Variants in MRPL18 observed in about 807,000 individuals in gnomAD.
The protein encoded by MRPL18 is mitochondrial ribosomal protein L18, also known as large ribosomal subunit protein uL18m.
Under a neutral mutation model 20.9 loss-of-function variants are expected in MRPL18, and 16 were observed. The observed-to-expected ratio is 0.76, with a 90% confidence interval of 0.52 to 1.16. The LOEUF (loss-of-function observed/expected upper bound fraction) is 1.16. Among genes scored for constraint, MRPL18 ranks in the 50% most tolerant of loss-of-function variants. MRPL18 has a pLI of 0.00. For missense variants in MRPL18, 233 were observed against 230.6 expected (o/e 1.01, Z -0.07); for synonymous variants, 91 against 87.1 (o/e 1.04, Z -0.25).
At position 159,798,088 on chromosome 6, in the gene MRPL18, G is replaced by A; in HGVS notation, c.508G>A (p.Val170Met). The A allele has an allele frequency of 1.2e-6, 2 of 1,613,902 alleles. No homozygotes were observed. Among genetic ancestry groups the A allele is most frequent in the Non-Finnish European group, 1.7e-6 (2 of 1,179,892 alleles). The change falls in exon 4 of 4, where the codon GTG (valine) becomes ATG (methionine). Residue 170 changes from valine (V) to methionine (M), a missense_variant. Physicochemically the swap from Val to Met is conservative, Grantham distance 21. Transcript: ENST00000367034. ...ACAAAGTGCCATGACAGAAGGTGGT[G>A]TGGTTCTACGGGAACCTCAGAGAAT... ...RLQSAMTEGG[V>M]VLREPQRIYE
At chr6:159,789,947 A>C (rs56749189), upstream of MRPL18, 7,235 of 186,234 alleles carry the variant, frequency 0.039, 247 homozygotes, top group African/African-American at 0.08. Context: ...GCCCTTCTCC[A>C]AGTTAGAGTT....
chr6:159,790,850 G>A (rs1780864310), intron 1 of MRPL18, 90 bp from the exon 2 acceptor site: 1 of 1,509,190 alleles, frequency 6.6e-7, no homozygotes, highest in African/African-American at 1.4e-5. Flanking sequence ...TAAAGATTGG[G>A]GGTGTAAAAG....
rs777765662 is a variant in MRPL18 at position 159,790,593 on chromosome 6, G to A, written c.6G>A (p.Ala2=). ...TTTCCGAGATCGTCTCAGCGATGGC[G>A]CTTCGGTCGCGGTTTTGGGGGTTGT... M[A]LRSRFWGLFS... Residue 2 remains alanine, a synonymous_variant, in exon 1 of 4, where the codon GCG becomes GCA. Coordinates refer to ENST00000367034, the MANE Select transcript of MRPL18 (RefSeq NM_014161.5). 1.3e-6 allele frequency: 2 copies of A among 1,576,242 alleles called. No homozygotes were observed. The highest frequency in any genetic ancestry group is 1.7e-6 in the Non-Finnish European group (2 of 1,163,000).
upstream of MRPL18, chr6:159,789,877 C>G (rs945097809): frequency 2.1e-5 from 5 of 235,320 alleles, no homozygotes; most frequent in African/African-American, 1.1e-4. Flanking sequence ...ATTCTAGTGC[C>G]TTCTAGAAAA....
rs772773470 is a variant in MRPL18, at chr6:159,790,921, G to A, written c.53-19G>A. 6.2e-7 allele frequency: 1 copy of A among 1,613,580 alleles called. No individual in the cohort carries two copies. Among genetic ancestry groups the A allele is most frequent in the Admixed American group, 1.7e-5 (1 of 59,992 alleles). On this transcript the variant is annotated intron_variant, in intron 1 of 3. Coordinates refer to ENST00000367034, the MANE Select transcript of MRPL18 (RefSeq NM_014161.5). ...TATCCGTCATTTTTAAGCCCTGTGC[G>A]GTTTTTCCCGTTGCCCAGGGTGCAG...
rs1218220377 is a variant in MRPL18, at chr6:159,796,314, A to T, written c.240-973A>T. Reference sequence around the variant, plus strand: ...GGGCAATATGGCAAACCCTGTCTCTACAAAAAAATACAAAAATTAGCTGGG... The same window carrying T: ...GGGCAATATGGCAAACCCTGTCTCTTCAAAAAAATACAAAAATTAGCTGGG... On this transcript the variant is annotated intron_variant, in intron 2 of 3. Transcript: ENST00000367034. 2.6e-5 allele frequency among the ~76,000 whole-genome samples: 4 copies of T among 151,648 alleles called. No individual in the cohort carries two copies. The East Asian group carries it at 7.8e-4, about 30-fold the overall frequency.
rs774022634 is a variant in MRPL18 at position 159,791,118 on chromosome 6, C to G, written c.231C>G (p.Phe77Leu). 1 of 1,614,162 alleles carries G rather than the reference C, an allele frequency of 6.2e-7. No homozygotes were observed. The highest frequency in any genetic ancestry group is 8.5e-7 in the Non-Finnish European group (1 of 1,180,024). ...GWRTVFPSRE[F>L]WHRLRVIRTQ... is the part of the protein sequence containing the mutation. ...GGACGGTGTTTCCCTCCCGTGAGTTCTGGCACAGGTAATTAAATCTGCTTG... is the reference window on the plus strand; with the variant it reads ...GGACGGTGTTTCCCTCCCGTGAGTTGTGGCACAGGTAATTAAATCTGCTTG... Residue 77 changes from phenylalanine to leucine, a missense_variant, in exon 2 of 4, where the codon TTC becomes TTG. Transcript: ENST00000367034.
chr6:159,790,809 T>C, intron 1 of MRPL18, 131 bp from the exon 2 acceptor site: 1 of 1,373,954 alleles, frequency 7.3e-7, no homozygotes, highest in Non-Finnish European at 9.9e-7. Flanking sequence ...CTCCACCCTG[T>C]GGGCATACGT....
Position 159,798,205 on chromosome 6 carries a change from A to G in MRPL18, c.*82A>G, listed in dbSNP as rs1583158506. The G allele has an allele frequency of 8.4e-7, 1 of 1,190,176 alleles. No individual in the cohort carries two copies. Among genetic ancestry groups the G allele is most frequent in the East Asian group, 2.5e-5 (1 of 40,520 alleles). The allele number at this position is 1,190,176 out of a possible 1,614,324, so 73.7% of individuals were successfully genotyped here. A position where few individuals can be genotyped will look rare whatever the true frequency, so the allele number is the denominator to read the frequency against. ...ATCAAAAGAGAGCATCTGGAAGAAC[A>G]GCCAGCTTGGAAGTTTTACAGCAAT... On this transcript the variant is annotated 3_prime_UTR_variant, in exon 4 of 4. Coordinates refer to ENST00000367034, the MANE Select transcript of MRPL18 (RefSeq NM_014161.5).
At chr6:159,793,674 T>C (rs557040507) in intron 2 of MRPL18, among the ~76,000 whole-genome samples, 23 of 151,810 alleles carry the variant, frequency 1.5e-4, no homozygotes, top group Non-Finnish European at 3.1e-4. Context: ...CTTTGGGAGG[T>C]CGAGGCGGGC....
In MRPL18 at chr6:159,790,471, G is replaced by T. The variant is rs189546166; in HGVS notation, c.-117G>T. 1.4e-5 allele frequency: 19 copies of T among 1,400,736 alleles called. No homozygotes were observed. The Admixed American group carries it at 3.4e-4, about 25-fold the overall frequency. The allele number at this position is 1,400,736 out of a possible 1,614,324, so 86.8% of individuals were successfully genotyped here. ...GGGTCGGTGGCGTCTGGCGTGGAGA[G>T]TTTGGGGATCTACAGCAGCCAAAGG... On this transcript the variant is annotated 5_prime_UTR_variant, in exon 1 of 4. Transcript: ENST00000367034.
In MRPL18 at chr6:159,790,498, T is replaced by A; in HGVS notation, c.-90T>A. 1 of 1,576,664 alleles carries A rather than the reference T, an allele frequency of 6.3e-7. No homozygotes were observed. Among genetic ancestry groups the A allele is most frequent in the South Asian group, 1.1e-5 (1 of 89,998 alleles). On this transcript the variant is annotated 5_prime_UTR_variant, in exon 1 of 4. In the 5' UTR this introduces an upstream ATG that the reference lacks. Transcript: ENST00000367034. ...TTGGGGATCTACAGCAGCCAAAGGCTTGTCCCTGACTTTATATGGCTGCTC... is the reference window on the plus strand; with the variant it reads ...TTGGGGATCTACAGCAGCCAAAGGCATGTCCCTGACTTTATATGGCTGCTC...
chr6:159,798,319 T>G lies in MRPL18; in HGVS notation c.*196T>G, dbSNP rs1583158707. On this transcript the variant is annotated 3_prime_UTR_variant, in exon 4 of 4. Coordinates refer to ENST00000367034, the MANE Select transcript of MRPL18 (RefSeq NM_014161.5). ...TCAAGAACTACGTTCTGCCCCTCTCTTGGGCTTCAGAAGCATCTAAGAAAA... is the reference window on the plus strand; with the variant it reads ...TCAAGAACTACGTTCTGCCCCTCTCGTGGGCTTCAGAAGCATCTAAGAAAA... 8 of 474,522 alleles carry G rather than the reference T, an allele frequency of 1.7e-5. No individual in the cohort carries two copies. In the East Asian group the frequency reaches 2.7e-4, roughly 16 times the overall value. The allele number at this position is 474,522 out of a possible 1,614,324, so 29.4% of individuals were successfully genotyped here. A position where few individuals can be genotyped will look rare whatever the true frequency, so the allele number is the denominator to read the frequency against.
In MRPL18 at chr6:159,798,066, A is replaced by G. The variant is rs748815911; in HGVS notation, c.486A>G (p.Gln162=). Residue 162 remains glutamine (Q), a synonymous_variant, in exon 4 of 4, where the codon CAA becomes CAG. Transcript: ENST00000367034. ...TTCAAAACCAGATGAAACGACTACA[A>G]AGTGCCATGACAGAAGGTGGTGTGG... ...EAASDSMKRL[Q]SAMTEGGVVL... is the part of the protein sequence containing the mutation. The G allele has an allele frequency of 6.2e-7, 1 of 1,613,728 alleles. No individual in the cohort carries two copies. The highest frequency in any genetic ancestry group is 1.1e-5 in the South Asian group (1 of 90,978).
chr6:159,792,990 T>C (rs551478351), intron 2 of MRPL18, among the ~76,000 whole-genome samples: 1 of 151,908 alleles, frequency 6.6e-6, no homozygotes, highest in South Asian at 2.1e-4. Flanking sequence ...TTTTCTTTTT[T>C]TTTTTTTCTG....
intron 2 of MRPL18, 141 bp downstream of exon 2, chr6:159,791,267 A>G (rs1470526353): frequency 1.1e-6 from 1 of 892,808 alleles, no homozygotes; most frequent in Non-Finnish European, 1.7e-6. Flanking sequence ...CAAACAACAA[A>G]TAGGTGTGAT....
intron 1 of MRPL18, 77 bp downstream of exon 1, chr6:159,790,716 T>G (rs965929709): frequency 1.3e-5 from 20 of 1,576,040 alleles, no homozygotes; most frequent in African/African-American, 2.7e-5. Context: ...GGGTTCTATT[T>G]TGTATTCGAC....
At chr6:159,792,703 A>G (rs1333158329) in intron 2 of MRPL18, among the ~76,000 whole-genome samples, 1 of 152,146 alleles carries the variant, frequency 6.6e-6, no homozygotes, top group Non-Finnish European at 1.5e-5. Context: ...GTGGTATGAT[A>G]TCTGCTTACT....
At chr6:159,796,248 G>A (rs972540321) in intron 2 of MRPL18, among the ~76,000 whole-genome samples, 1 of 151,676 alleles carries the variant, frequency 6.6e-6, no homozygotes, top group Non-Finnish European at 1.5e-5. Context: ...AGGAGGCTGA[G>A]GTGGGTAGAC....
Sources: allele counts gnomAD v4.1 joint callset (sites outside exome capture counted in the v4.1 genomes callset), GRCh38; gene constraint gnomAD v4.1.1; transcripts MANE v1.5; gene names NCBI Gene and HGNC (gene_info 2026-07-23, HGNC 2026-07-21).